CIAO1: variants seen among roughly 807,000 people sequenced by gnomAD.
The protein encoded by CIAO1 is cytosolic iron-sulfur assembly component 1, also known as probable cytosolic iron-sulfur protein assembly protein CIAO1.
In CIAO1, 32 loss-of-function variants were observed where a neutral mutation model predicts 43.1. That is an observed-to-expected ratio of 0.74 (90% CI 0.56 to 1.00). The LOEUF is 1.00. CIAO1 is among the 50% of genes least tolerant of loss of function. The pLI, the probability that CIAO1 is intolerant of heterozygous loss-of-function variation, is 0.00. For synonymous variants in CIAO1, 183 were observed against 171.4 expected, an observed-to-expected ratio of 1.07 and a Z score of -0.53; for missense variants, 415 against 437.4, an observed-to-expected ratio of 0.95 and a Z score of 0.46.
chr2:96,268,351 CAA>C, intron 4 of CIAO1, 104 bp from the exon 5 acceptor site: 1 of 1,004,004 alleles, frequency 1.0e-6, no homozygotes, highest in Non-Finnish European at 1.5e-6. Flanking sequence ...AACTTCATCT[CAA>C]ATAAATAATA....
chr2:96,271,007 T>C (rs980389283), intron 6 of CIAO1, 104 bp from the exon 7 acceptor site: 4 of 1,433,680 alleles, frequency 2.8e-6, no homozygotes, highest in Non-Finnish European at 3.8e-6. Flanking sequence ...AAGAGGTTTT[T>C]AGCTGAGGCC....
chr2:96,269,172 C>A, intron 5 of CIAO1, 96 bp from the exon 6 acceptor site: 1 of 980,234 alleles, frequency 1.0e-6, no homozygotes, highest in Non-Finnish European at 1.6e-6. Flanking sequence ...GACTCATAAT[C>A]AGTTGAAGAT....
intron 1 of CIAO1, 36 bp downstream of exon 1, chr2:96,266,525 G>T (rs748706062): frequency 7.1e-7 from 1 of 1,412,144 alleles, no homozygotes; most frequent in South Asian, 1.5e-5. Context: ...CCTCAGCGCT[G>T]AGGGCTCAGC....
chr2:96,269,287 T>G lies in CIAO1; in HGVS notation c.711T>G (p.Ser237=). ...TTGCAGGGGTGGCATGCAGCGGCTCTGACCCCAGTTGGAAATGTATCTGTA... is the reference window on the plus strand; with the variant it reads ...TTGCAGGGGTGGCATGCAGCGGCTCGGACCCCAGTTGGAAATGTATCTGTA... ...GNEQGVACSG[S]DPSWKCICTL... Residue 237 remains serine, a synonymous_variant, in exon 6 of 7, where the codon TCT becomes TCG. Coordinates refer to ENST00000488633, the MANE Select transcript of CIAO1 (RefSeq NM_004804.3). 1.2e-6 allele frequency: 2 copies of G among 1,614,224 alleles called. No homozygotes were observed. The highest frequency in any genetic ancestry group is 1.7e-6 in the Non-Finnish European group (2 of 1,180,036).
chr2:96,273,339 T>C lies in CIAO1; in HGVS notation c.*1988T>C, dbSNP rs1684589818. 1 of 152,170 alleles carries C rather than the reference T, an allele frequency of 6.6e-6. No individual in the cohort carries two copies. Among genetic ancestry groups the C allele is most frequent in the African/African-American group, 2.4e-5 (1 of 41,434 alleles). The allele number at this position is 152,170 out of a possible 1,614,324, so 9.4% of individuals were successfully genotyped here. On this transcript the variant is annotated 3_prime_UTR_variant, in exon 7 of 7. Transcript: ENST00000488633. Reference sequence around the variant, plus strand: ...TTAACAATATAAGAGTGCATTAAGTTTTCGGAGTCTACATTGCCTTTAAGA... The same window carrying C: ...TTAACAATATAAGAGTGCATTAAGTCTTCGGAGTCTACATTGCCTTTAAGA...
Position 96,267,649 on chromosome 2 carries a change from G to A in CIAO1, c.313G>A (p.Glu105Lys). The A allele has an allele frequency of 6.2e-7, 1 of 1,614,196 alleles. No individual in the cohort carries two copies. Among genetic ancestry groups the A allele is most frequent in the Non-Finnish European group, 8.5e-7 (1 of 1,180,038 alleles). Residue 105 changes from glutamate to lysine, a missense_variant, in exon 3 of 7, where the codon GAA becomes AAA. Glu to Lys is a moderately conservative substitution (Grantham distance 56). Coordinates refer to ENST00000488633, the MANE Select transcript of CIAO1 (RefSeq NM_004804.3). Reference sequence around the variant, plus strand: ...GTGTGTAACCACTCTCGAGGGCCATGAAAATGAGGTCAAGTCAGTGGCTTG... The same window carrying A: ...GTGTGTAACCACTCTCGAGGGCCATAAAAATGAGGTCAAGTCAGTGGCTTG... ...FECVTTLEGH[E>K]NEVKSVAWAP...
intron 6 of CIAO1, among the ~76,000 whole-genome samples, chr2:96,269,946 TG>T (rs1391327991): frequency 6.6e-6 from 1 of 151,780 alleles, no homozygotes; most frequent in Non-Finnish European, 1.5e-5. Flanking sequence ...CACCTGGCAG[TG>T]GCTGGGGTTT....
intron 6 of CIAO1, among the ~76,000 whole-genome samples, chr2:96,270,870 A>AGTG (rs1684536252): frequency 6.6e-6 from 1 of 152,200 alleles, no homozygotes; most frequent in Non-Finnish European, 1.5e-5. Context: ...AAGTGAGGAA[A>AGTG]GTGCAGTTCA....
Position 96,274,069 on chromosome 2 carries a change from T to C in CIAO1, c.*2718T>C, listed in dbSNP as rs1326550532. Among the ~76,000 whole-genome samples, 2 of 151,860 alleles carry C rather than the reference T, an allele frequency of 1.3e-5. No individual in the cohort carries two copies. Among genetic ancestry groups the C allele is most frequent in the Non-Finnish European group, 2.9e-5 (2 of 68,008 alleles). ...ATTAAGAAAAAAAATGTTAACATTA[T>C]GATTTAAAAGTGCATTAACCTTAAT... On this transcript the variant is annotated 3_prime_UTR_variant, in exon 7 of 7. Coordinates refer to ENST00000488633, the MANE Select transcript of CIAO1 (RefSeq NM_004804.3).
rs1684583941 is a variant in CIAO1 at position 96,273,065 on chromosome 2, G to A, written c.*1714G>A. 1 of 152,160 alleles carries A rather than the reference G, an allele frequency of 6.6e-6. No homozygotes were observed. Among genetic ancestry groups the A allele is most frequent in the African/African-American group, 2.4e-5 (1 of 41,432 alleles). The allele number at this position is 152,160 out of a possible 1,614,324, so 9.4% of individuals were successfully genotyped here. ...TAATGGAATGAGCCTCTCACCTCAA[G>A]GGAAACAACTGATAGTGTTGCCAGT... On this transcript the variant is annotated 3_prime_UTR_variant, in exon 7 of 7. Transcript: ENST00000488633.
rs1242544806 is a variant in CIAO1 at position 96,273,777 on chromosome 2, A to G, written c.*2426A>G. Among the ~76,000 whole-genome samples, 2 of 152,194 alleles carry G rather than the reference A, an allele frequency of 1.3e-5. No individual in the cohort carries two copies. The highest frequency in any genetic ancestry group is 2.4e-5 in the African/African-American group (1 of 41,436). ...CTTTTCCAACTGCGTATCTGTGTGA[A>G]GTCAACTTACTTCAACAAAAAAGTT... On this transcript the variant is annotated 3_prime_UTR_variant, in exon 7 of 7. Transcript: ENST00000488633.
chr2:96,267,134 CAAAAAAAAAA>C (rs1183454827), intron 1 of CIAO1, among the ~76,000 whole-genome samples, 177 bp from the exon 2 acceptor site: 2 of 36,802 alleles, frequency 5.4e-5, no homozygotes, highest in Admixed American at 3.6e-4. Flanking sequence ...AACTCCGTCT[CAAAAAAAAAA>C]AAAAAAAAAA....
Position 96,273,086 on chromosome 2 carries a change from C to G in CIAO1, c.*1735C>G, listed in dbSNP as rs1558760559. On this transcript the variant is annotated 3_prime_UTR_variant, in exon 7 of 7. Transcript: ENST00000488633. ...TCAAGGGAAACAACTGATAGTGTTG[C>G]CAGTGATAAAGCTTTCAAGCAAAAA... The G allele has an allele frequency of 6.6e-6, 1 of 152,130 alleles. No homozygotes were observed. The highest frequency in any genetic ancestry group is 1.5e-5 in the Non-Finnish European group (1 of 68,022). The allele number at this position is 152,130 out of a possible 1,614,324, so 9.4% of individuals were successfully genotyped here. A position where few individuals can be genotyped will look rare whatever the true frequency, so the allele number is the denominator to read the frequency against.
At position 96,268,035 on chromosome 2, in the gene CIAO1, G is replaced by T. The variant is rs990476640; in HGVS notation, c.489+111G>T. ...AGCTTTTACGGAGAGTTCCATCTGT[G>T]AACAAAAAACATTAGTCCCTTTATA... On this transcript the variant is annotated intron_variant, in intron 4 of 6. Coordinates refer to ENST00000488633, the MANE Select transcript of CIAO1 (RefSeq NM_004804.3). 1.6e-5 allele frequency: 14 copies of T among 891,024 alleles called. No individual in the cohort carries two copies. The African/African-American group carries it at 2.3e-4, about 15-fold the overall frequency. The allele number at this position is 891,024 out of a possible 1,614,324, so 55.2% of individuals were successfully genotyped here. A position where few individuals can be genotyped will look rare whatever the true frequency, so the allele number is the denominator to read the frequency against.
At chr2:96,270,732 C>T (rs970370809) in intron 6 of CIAO1, among the ~76,000 whole-genome samples, 5 of 151,280 alleles carry the variant, frequency 3.3e-5, no homozygotes, top group Admixed American at 6.6e-5. Context: ...ATCGCTTGAA[C>T]CTGGGAGGGG....
rs1203393664 is a variant in CIAO1 at position 96,272,824 on chromosome 2, A to T, written c.*1473A>T. The stretch of plus-strand genomic sequence containing the variant: ...AAACCCTGTCTCAAAAAGAAAAAAA[A>T]AGTTGACCTTGAGAATTTATAATAT... On this transcript the variant is annotated 3_prime_UTR_variant, in exon 7 of 7. Coordinates refer to ENST00000488633, the MANE Select transcript of CIAO1 (RefSeq NM_004804.3). 1 of 152,168 alleles carries T rather than the reference A, an allele frequency of 6.6e-6. No individual in the cohort carries two copies. Among genetic ancestry groups the T allele is most frequent in the Non-Finnish European group, 1.5e-5 (1 of 68,044 alleles). The allele number at this position is 152,168 out of a possible 1,614,324, so 9.4% of individuals were successfully genotyped here. A position where few individuals can be genotyped will look rare whatever the true frequency, so the allele number is the denominator to read the frequency against.
intron 1 of CIAO1, among the ~76,000 whole-genome samples, chr2:96,266,795 G>T (rs144166654): frequency 6.6e-4 from 100 of 152,304 alleles, no homozygotes; most frequent in African/African-American, 2.4e-3. Flanking sequence ...TATCCCGAGG[G>T]CATTGGGGAA....
At position 96,267,690 on chromosome 2, in the gene CIAO1, C is replaced by T; in HGVS notation, c.354C>T (p.Asn118=). ...CAGTGGCTTGGGCCCCATCTGGCAA[C>T]CTCCTGGCCACTTGCAGCCGAGATA... ...VKSVAWAPSG[N]LLATCSRDKS... Residue 118 remains asparagine, a synonymous_variant, in exon 3 of 7, where the codon AAC becomes AAT. Transcript: ENST00000488633. 5 of 1,614,144 alleles carry T rather than the reference C, an allele frequency of 3.1e-6. No homozygotes were observed. Among genetic ancestry groups the T allele is most frequent in the Non-Finnish European group, 4.2e-6 (5 of 1,180,036 alleles).
rs778250049 is a variant in CIAO1, at chr2:96,267,407, C to T, written c.226C>T (p.Leu76=). 2 of 1,614,180 alleles carry T rather than the reference C, an allele frequency of 1.2e-6. No homozygotes were observed. The highest frequency in any genetic ancestry group is 2.2e-5 in the South Asian group (2 of 91,086). Residue 76 remains leucine (L), a synonymous_variant, in exon 2 of 7, where the codon CTG becomes TTG. Transcript: ENST00000488633. ...AGCCTGGTCCCCCTGCGGTAATTAC[C>T]TGGCCTCTGCCAGCTTTGATGCTAC... ...KVAWSPCGNY[L]ASASFDATTC... is the part of the protein sequence containing the mutation.
Sources: gnomAD v4.1 joint callset for allele counts (sites outside exome capture counted in the v4.1 genomes callset) on GRCh38, gnomAD v4.1.1 for gene constraint, MANE v1.5 for transcripts, NCBI Gene and HGNC (gene_info 2026-07-23, HGNC 2026-07-21) for gene names.